MAPK10: variants seen among roughly 807,000 people sequenced by gnomAD.
MAPK10 encodes the protein JNK3 alpha protein kinase.
In MAPK10, 25 loss-of-function variants were observed where a neutral mutation model predicts 59.3. The observed-to-expected ratio is 0.42, with a 90% CI of 0.31 to 0.59. MAPK10 has a LOEUF of 0.59. Among genes scored for constraint, MAPK10 ranks in the 20% least tolerant of loss-of-function variants. The pLI is 0.15. For missense variants in MAPK10, 351 were observed against 568.9 expected, an observed-to-expected ratio of 0.62 and a Z score of 3.90; for synonymous variants, 190 against 200.5, an observed-to-expected ratio of 0.95 and a Z score of 0.44.
intron 11 of MAPK10, among the ~76,000 whole-genome samples, chr4:86,045,324 G>A (rs184166623): frequency 1.6e-4 from 25 of 152,152 alleles, no homozygotes; most frequent in Middle Eastern, 3.4e-3. Flanking sequence ...CAGTGCCTTG[G>A]TCAGGAATCT....
chr4:86,282,547 A>G (rs977097767), intron 2 of MAPK10, among the ~76,000 whole-genome samples: 1 of 152,214 alleles, frequency 6.6e-6, no homozygotes, highest in East Asian at 1.9e-4. Context: ...TAGTAACAGA[A>G]AAGGAAACTT....
chr4:86,157,738 T>G (rs998830616), intron 4 of MAPK10, among the ~76,000 whole-genome samples: 4 of 150,278 alleles, frequency 2.7e-5, no homozygotes, highest in African/African-American at 7.5e-5. Context: ...AAATATCCTA[T>G]AAAACATACT....
At chr4:86,504,903 C>T (rs1472959245) in intron 1 of MAPK10, among the ~76,000 whole-genome samples, 1 of 152,124 alleles carries the variant, frequency 6.6e-6, no homozygotes, top group East Asian at 1.9e-4. Context: ...ATTTCACCTG[C>T]CTCCCAGTTT....
chr4:86,435,912 A>G (rs1748657837), intron 1 of MAPK10, among the ~76,000 whole-genome samples: 1 of 152,252 alleles, frequency 6.6e-6, no homozygotes, highest in Admixed American at 6.5e-5. Flanking sequence ...TCTAAAAATC[A>G]TTGTGTATAT....
At chr4:86,443,301 C>T (rs550926052) in intron 1 of MAPK10, among the ~76,000 whole-genome samples, 2 of 152,196 alleles carry the variant, frequency 1.3e-5, no homozygotes, top group African/African-American at 4.8e-5. Context: ...TTGAAATACA[C>T]CAAAGCATTC....
intron 3 of MAPK10, among the ~76,000 whole-genome samples, chr4:86,169,014 G>A (rs567574038): frequency 6.6e-6 from 1 of 152,122 alleles, no homozygotes; most frequent in African/African-American, 2.4e-5. Flanking sequence ...CTGTCTGTTA[G>A]AAGGAAAACT....
chr4:86,338,338 C>T (rs1178257784), intron 2 of MAPK10, among the ~76,000 whole-genome samples: 1 of 152,218 alleles, frequency 6.6e-6, no homozygotes, highest in Admixed American at 6.5e-5. Context: ...CCTACCCTTA[C>T]CCGCTTCTGC....
At chr4:86,391,362 A>G (rs913340235) in intron 1 of MAPK10, among the ~76,000 whole-genome samples, 1 of 152,176 alleles carries the variant, frequency 6.6e-6, no homozygotes. Context: ...AATACTTTAG[A>G]TTTTTACCTT....
intron 2 of MAPK10, among the ~76,000 whole-genome samples, chr4:86,291,242 AAGCAAAAGAAAC>A (rs1172374575): frequency 6.6e-6 from 1 of 152,196 alleles, no homozygotes; most frequent in Non-Finnish European, 1.5e-5. Flanking sequence ...GGGGATAAAT[AAGCAAAAGAAAC>A]ATAACCTCTA....
chr4:86,267,485 C>T (rs2094290355), intron 2 of MAPK10, among the ~76,000 whole-genome samples: 1 of 152,086 alleles, frequency 6.6e-6, no homozygotes, highest in Non-Finnish European at 1.5e-5. Context: ...ATCCCTCTGC[C>T]CCAAATCCTC....
chr4:86,082,637 G>C (rs2050899710), intron 9 of MAPK10, among the ~76,000 whole-genome samples: 1 of 152,172 alleles, frequency 6.6e-6, no homozygotes, highest in Admixed American at 6.5e-5. Flanking sequence ...GCCAAATTCT[G>C]TTATCCAGAA....
At chr4:86,227,739 A>G (rs1001219688) in intron 2 of MAPK10, among the ~76,000 whole-genome samples, 1 of 152,218 alleles carries the variant, frequency 6.6e-6, no homozygotes, top group Admixed American at 6.5e-5. Flanking sequence ...TTTAAGGTCA[A>G]GTTTCTTTGT....
chr4:86,046,201 T>C (rs184367825), intron 11 of MAPK10, among the ~76,000 whole-genome samples: 2 of 151,930 alleles, frequency 1.3e-5, no homozygotes, highest in Non-Finnish European at 1.5e-5. Context: ...AAGGAGATTT[T>C]GGACTGAGAT....
intron 1 of MAPK10, among the ~76,000 whole-genome samples, chr4:86,435,499 C>G (rs990586237): frequency 2.1e-5 from 3 of 146,120 alleles, no homozygotes; most frequent in South Asian, 4.3e-4. Flanking sequence ...CGCCATCTCA[C>G]AAAAAAAAAG....
intron 3 of MAPK10, chr4:86,191,709 A>G (rs1034324609): frequency 6.6e-6 from 1 of 150,986 alleles, no homozygotes; most frequent in Admixed American, 6.6e-5. Context: ...ACTCTATCCA[A>G]TTTTAACTCA....
chr4:86,243,345 A>G (rs1020035689), intron 2 of MAPK10, among the ~76,000 whole-genome samples: 1 of 152,198 alleles, frequency 6.6e-6, no homozygotes, highest in African/African-American at 2.4e-5. Flanking sequence ...ACATTGGTCT[A>G]TTCTACTACA....
Position 86,539,547 on chromosome 4 carries a change from G to C in MAPK10, c.-263+54363C>G, listed in dbSNP as rs544059087. 3.9e-4 allele frequency among the ~76,000 whole-genome samples: 60 copies of C among 152,224 alleles called. 2 individuals are homozygous for C. In the South Asian group the frequency reaches 0.011, roughly 28 times the overall value. On this transcript the variant is annotated intron_variant, in intron 1 of 4. Coordinates refer to the MAPK10 transcript ENST00000502302. ...GAGGTCTTACATCAGCTAGCAAGAG[G>C]GGAAAAGGGCAATACTGAAGTTAGT...
chr4:86,170,032 G>C (rs1203185201), intron 3 of MAPK10, among the ~76,000 whole-genome samples: 1 of 151,688 alleles, frequency 6.6e-6, no homozygotes, highest in Non-Finnish European at 1.5e-5. Flanking sequence ...TCACCACCAG[G>C]CCTGCCCTAA....
At chr4:86,434,847 C>T (rs1216601048) in intron 1 of MAPK10, among the ~76,000 whole-genome samples, 3 of 152,152 alleles carry the variant, frequency 2.0e-5, no homozygotes, top group African/African-American at 4.8e-5. Flanking sequence ...TGTACTCCTA[C>T]GATTATTGCA....
Sources: allele counts gnomAD v4.1 joint callset (sites outside exome capture counted in the v4.1 genomes callset), GRCh38; gene constraint gnomAD v4.1.1; transcripts MANE v1.5; gene names NCBI Gene and HGNC (gene_info 2026-07-23, HGNC 2026-07-21).